The following LRIF1 variants were observed in gnomAD, a reference collection of about 807,000 sequenced individuals.
LRIF1 encodes ligand-dependent nuclear receptor-interacting factor 1.
A neutral mutation model predicts 52.7 loss-of-function variants in LRIF1; 32 were observed. The ratio of observed to expected loss-of-function variants is 0.61; its 90% confidence interval spans 0.46 to 0.82. The LOEUF (loss-of-function observed/expected upper bound fraction) is 0.82. LRIF1 is among the 40% of genes least tolerant of loss of function. LRIF1 has a pLI of 0.00. For missense variants in LRIF1, 887 were observed against 892.0 expected (o/e 0.99, Z 0.07); for synonymous variants, 323 against 317.4 (o/e 1.02, Z -0.19).
the LRIF1 span, among the ~76,000 whole-genome samples, chr1:110,927,992 T>C: frequency 6.6e-6 from 1 of 152,184 alleles, no homozygotes; most frequent in African/African-American, 2.4e-5. Context: ...AGAAAATCCT[T>C]GATCTACGTT....
chr1:110,912,165 C>A, the LRIF1 span, among the ~76,000 whole-genome samples: 1 of 152,134 alleles, frequency 6.6e-6, no homozygotes. Flanking sequence ...GGATACAAAA[C>A]CAATGTAAAA....
the LRIF1 span, among the ~76,000 whole-genome samples, chr1:110,908,946 C>T: frequency 6.6e-6 from 1 of 152,110 alleles, no homozygotes; most frequent in Non-Finnish European, 1.5e-5. Context: ...TCAGATTCCC[C>T]AAAGTCAATG....
chr1:110,876,277 C>T, the LRIF1 span, among the ~76,000 whole-genome samples: 4 of 152,134 alleles, frequency 2.6e-5, no homozygotes, highest in Admixed American at 1.3e-4. Context: ...CTATGGCATG[C>T]TCTTTCTTCT....
At chr1:110,959,474 G>C (rs1372087283) in intron 1 of LRIF1, among the ~76,000 whole-genome samples, 1 of 151,966 alleles carries the variant, frequency 6.6e-6, no homozygotes, top group Non-Finnish European at 1.5e-5. Context: ...AAATATGGCC[G>C]GGTGCAGTGG....
the LRIF1 span, among the ~76,000 whole-genome samples, chr1:110,887,086 C>T: frequency 7.8e-5 from 6 of 76,730 alleles, no homozygotes; most frequent in Non-Finnish European, 1.3e-4. Flanking sequence ...TATTTTGAGA[C>T]GGAGTCTCGC....
At chr1:110,931,815 C>G in the LRIF1 span, among the ~76,000 whole-genome samples, 1 of 151,974 alleles carries the variant, frequency 6.6e-6, no homozygotes, top group Non-Finnish European at 1.5e-5. Flanking sequence ...ATCCTTTGCC[C>G]CCTTTTTGTT....
the LRIF1 span, among the ~76,000 whole-genome samples, chr1:110,918,456 A>G: frequency 6.6e-6 from 1 of 152,244 alleles, no homozygotes; most frequent in Non-Finnish European, 1.5e-5. Context: ...AAATCCAAAG[A>G]TTAATTAAAC....
At chr1:110,950,299 A>T (rs1658412913) in intron 2 of LRIF1, among the ~76,000 whole-genome samples, 176 bp from the exon 3 acceptor site, 1 of 152,232 alleles carries the variant, frequency 6.6e-6, no homozygotes, top group African/African-American at 2.4e-5. Context: ...GGAAGTACAA[A>T]CTTAAAATAT....
rs567232623 is a variant in LRIF1 at position 110,959,526 on chromosome 1, C to T, written c.68+4095G>A. ...CAGCACCTTGGGAGGCTGAGGTGGG[C>T]GGATCATGAGGTCAAGAGATCGAGA... On this transcript the variant is annotated intron_variant, in intron 1 of 3. Transcript: ENST00000369763. Among the ~76,000 whole-genome samples, 10 of 151,450 alleles carry T rather than the reference C, an allele frequency of 6.6e-5. No individual in the cohort carries two copies. In the South Asian group the frequency reaches 1.9e-3, roughly 28 times the overall value.
At chr1:110,902,749 A>C in the LRIF1 span, among the ~76,000 whole-genome samples, 1 of 152,228 alleles carries the variant, frequency 6.6e-6, no homozygotes, top group Non-Finnish European at 1.5e-5. Context: ...ATAGAATACC[A>C]GTTTCCCCTC....
the LRIF1 span, among the ~76,000 whole-genome samples, chr1:110,901,138 T>G: frequency 6.8e-6 from 1 of 147,278 alleles, no homozygotes; most frequent in Non-Finnish European, 1.5e-5. Flanking sequence ...AGAGGAGACA[T>G]TCTCTCTCTC....
downstream of LRIF1, among the ~76,000 whole-genome samples, chr1:110,946,281 A>G (rs1168770143): frequency 6.6e-6 from 1 of 152,266 alleles, no homozygotes; most frequent in African/African-American, 2.4e-5. Flanking sequence ...TGTTCACAAC[A>G]GGCAATTCCA....
chr1:110,927,069 G>A, the LRIF1 span, among the ~76,000 whole-genome samples: 4 of 152,090 alleles, frequency 2.6e-5, no homozygotes, highest in Non-Finnish European at 5.9e-5. Context: ...AATGAAACTG[G>A]ACTCTTCATT....
At chr1:110,924,491 G>A in the LRIF1 span, among the ~76,000 whole-genome samples, 2 of 152,198 alleles carry the variant, frequency 1.3e-5, no homozygotes, top group Non-Finnish European at 2.9e-5. Context: ...TCTTCACAAG[G>A]TGGCATGAAG....
chr1:110,882,581 A>G, the LRIF1 span, among the ~76,000 whole-genome samples: 5 of 152,036 alleles, frequency 3.3e-5, no homozygotes, highest in African/African-American at 1.2e-4. Context: ...TGAATTTTAG[A>G]ATTAATTTCT....
intron 1 of LRIF1, among the ~76,000 whole-genome samples, chr1:110,955,480 T>C (rs1466966411): frequency 6.6e-6 from 1 of 152,210 alleles, no homozygotes; most frequent in African/African-American, 2.4e-5. Flanking sequence ...TCCATTATTC[T>C]TAGAGTCGTA....
chr1:110,934,453 A>G, the LRIF1 span, among the ~76,000 whole-genome samples: 2 of 152,164 alleles, frequency 1.3e-5, no homozygotes, highest in African/African-American at 4.8e-5. Flanking sequence ...CTGTGTCGGA[A>G]GGGAGCCCCC....
chr1:110,958,432 G>T (rs1319151699), intron 1 of LRIF1, among the ~76,000 whole-genome samples: 1 of 144,092 alleles, frequency 6.9e-6, no homozygotes, highest in Non-Finnish European at 1.5e-5. Flanking sequence ...TTTCTTTATT[G>T]ACTTTAATCT....
At chr1:110,890,223 C>T in the LRIF1 span, among the ~76,000 whole-genome samples, 1 of 151,854 alleles carries the variant, frequency 6.6e-6, no homozygotes, top group Non-Finnish European at 1.5e-5. Flanking sequence ...GTCCTGTGCA[C>T]GGTTTTAAAA....
Sources: gnomAD v4.1 joint callset for allele counts (sites outside exome capture counted in the v4.1 genomes callset) on GRCh38, gnomAD v4.1.1 for gene constraint, MANE v1.5 for transcripts, NCBI Gene and HGNC (gene_info 2026-07-23, HGNC 2026-07-21) for gene names.